The following WIPI2 variants were observed in gnomAD, a reference collection of about 807,000 sequenced individuals.
WIPI2 encodes the protein WD repeat domain, phosphoinositide interacting 2.
In WIPI2, 28 loss-of-function variants were observed where a neutral mutation model predicts 52.3. That is an observed-to-expected ratio of 0.54 (90% CI 0.40 to 0.73). The LOEUF (loss-of-function observed/expected upper bound fraction) is 0.73, where lower values mean the gene tolerates loss of function less well. Ranked by LOEUF, WIPI2 falls within the 30% of genes least tolerant of loss-of-function variation. The pLI is 0.00. For synonymous variants in WIPI2, 268 were observed against 245.0 expected (o/e 1.09, Z -0.88); for missense variants, 506 against 602.9 (o/e 0.84, Z 1.68).
chr7:5,215,803 A>G (rs1037974024), intron 4 of WIPI2, among the ~76,000 whole-genome samples: 45 of 152,352 alleles, frequency 3.0e-4, no homozygotes, highest in African/African-American at 1.0e-3. Flanking sequence ...TCTTTCTTGC[A>G]TAAGTTGTCT....
At chr7:5,210,343 C>T (rs1406808466) in intron 3 of WIPI2, among the ~76,000 whole-genome samples, 6 of 152,244 alleles carry the variant, frequency 3.9e-5, no homozygotes, top group Non-Finnish European at 1.5e-5. Flanking sequence ...TTCCCAGACT[C>T]AGGGGACGTG....
intron 2 of WIPI2, among the ~76,000 whole-genome samples, chr7:5,195,213 A>G (rs1348704989): frequency 2.0e-5 from 3 of 152,236 alleles, no homozygotes; most frequent in Admixed American, 1.3e-4. Flanking sequence ...GGGGACAGGC[A>G]CAGTGGCTCA....
chr7:5,204,168 G>C (rs999568096), intron 3 of WIPI2, among the ~76,000 whole-genome samples: 1 of 152,120 alleles, frequency 6.6e-6, no homozygotes, highest in Non-Finnish European at 1.5e-5. Context: ...ATATTTATAT[G>C]TTTGAAAGTT....
rs891343475 is a variant in WIPI2 at position 5,232,367 on chromosome 7, G to A, written c.*1420G>A. 3 of 398,474 alleles carry A rather than the reference G, an allele frequency of 7.5e-6. No homozygotes were observed. Among genetic ancestry groups the A allele is most frequent in the Non-Finnish European group, 1.3e-5 (3 of 226,090 alleles). 24.7% of individuals were successfully genotyped at this position (398,474 alleles called of 1,614,324 possible). On this transcript the variant is annotated 3_prime_UTR_variant, in exon 13 of 13. Coordinates refer to ENST00000288828, the MANE Select transcript of WIPI2 (RefSeq NM_015610.4). ...GAAATGCCCCAGTGTTCCTGGGTTG[G>A]CTTTACGGCAAACTAAATGCAGGGG...
intron 8 of WIPI2, among the ~76,000 whole-genome samples, chr7:5,224,865 C>T (rs1005149977): frequency 6.6e-6 from 1 of 152,160 alleles, no homozygotes; most frequent in African/African-American, 2.4e-5. Context: ...TCTCGTTCAC[C>T]GTCTCAGTCA....
At chr7:5,215,225 C>T (rs190169913) in intron 4 of WIPI2, among the ~76,000 whole-genome samples, 9 of 152,092 alleles carry the variant, frequency 5.9e-5, no homozygotes, top group African/African-American at 2.2e-4. Context: ...GCAGGAAAAT[C>T]GCTTGAACCC....
At chr7:5,204,121 C>G (rs1410053899) in intron 3 of WIPI2, among the ~76,000 whole-genome samples, 1 of 152,182 alleles carries the variant, frequency 6.6e-6, no homozygotes, top group African/African-American at 2.4e-5. Context: ...CTTCAGTTTA[C>G]TGGAAAGTGA....
chr7:5,221,353 C>T (rs1783119858), intron 7 of WIPI2, among the ~76,000 whole-genome samples: 1 of 152,114 alleles, frequency 6.6e-6, no homozygotes, highest in Admixed American at 6.5e-5. Context: ...AGGAGATCTG[C>T]CCACCTTGAC....
At chr7:5,195,884 C>T (rs1781723953) in intron 2 of WIPI2, among the ~76,000 whole-genome samples, 1 of 151,678 alleles carries the variant, frequency 6.6e-6, no homozygotes. Flanking sequence ...ACTAAAAATA[C>T]AAAAATTAGC....
At chr7:5,214,154 G>A in intron 3 of WIPI2, 3 of 768,676 alleles carry the variant, frequency 3.9e-6, no homozygotes, top group Non-Finnish European at 5.4e-6. Flanking sequence ...ATGGAACCCA[G>A]GGGAAGCAAT....
chr7:5,221,967 C>CTTT (rs1783160895), intron 7 of WIPI2, among the ~76,000 whole-genome samples: 5 of 13,362 alleles, frequency 3.7e-4, no homozygotes, highest in African/African-American at 1.1e-3. Flanking sequence ...TTTTTTTTTC[C>CTTT]CCCCCCGAGA....
intron 7 of WIPI2, chr7:5,218,281 C>A: frequency 2.6e-6 from 1 of 381,350 alleles, no homozygotes; most frequent in Non-Finnish European, 4.9e-6. Context: ...CGTGTGTAAC[C>A]ACACCGCTCA....
intron 1 of WIPI2, among the ~76,000 whole-genome samples, chr7:5,192,247 C>G (rs1490067192): frequency 6.6e-6 from 1 of 152,168 alleles, no homozygotes; most frequent in African/African-American, 2.4e-5. Context: ...GGGAAAAGGA[C>G]ACATCCCAAA....
chr7:5,196,482 G>C (rs1174354942), intron 2 of WIPI2, among the ~76,000 whole-genome samples: 1 of 151,974 alleles, frequency 6.6e-6, no homozygotes, highest in African/African-American at 2.4e-5. Context: ...GTAAACTGTG[G>C]GGTTAAACTT....
intron 3 of WIPI2, among the ~76,000 whole-genome samples, chr7:5,206,131 G>C (rs780795263): frequency 6.6e-6 from 1 of 151,888 alleles, no homozygotes; most frequent in African/African-American, 2.4e-5. Context: ...GGTTTTTCCT[G>C]CTCCCAGCAT....
chr7:5,208,768 A>G (rs796784528), intron 3 of WIPI2, among the ~76,000 whole-genome samples: 8 of 151,944 alleles, frequency 5.3e-5, no homozygotes, highest in South Asian at 2.1e-4. Flanking sequence ...CTAATGATCT[A>G]TTTGTCAGTC....
intron 9 of WIPI2, chr7:5,226,428 C>G (rs981216111): frequency 6.3e-6 from 1 of 158,776 alleles, no homozygotes; most frequent in Non-Finnish European, 1.4e-5. Context: ...ACAGTCATTA[C>G]TTATTGTAGC....
chr7:5,194,959 G>A (rs1781671389), intron 2 of WIPI2, among the ~76,000 whole-genome samples: 1 of 152,158 alleles, frequency 6.6e-6, no homozygotes, highest in South Asian at 2.1e-4. Context: ...GGGCTCCAGA[G>A]GCGGGCTTGT....
At chr7:5,216,371 G>T (rs1008350955) in intron 4 of WIPI2, 192 bp from the exon 5 acceptor site, 3 of 419,162 alleles carry the variant, frequency 7.2e-6, no homozygotes, top group Non-Finnish European at 1.3e-5. Context: ...GGCAGAGGTT[G>T]CAGTGAGCCG....
Sources: gnomAD v4.1 joint callset for allele counts (sites outside exome capture counted in the v4.1 genomes callset) on GRCh38, gnomAD v4.1.1 for gene constraint, MANE v1.5 for transcripts, NCBI Gene and HGNC (gene_info 2026-07-23, HGNC 2026-07-21) for gene names.